Variants in EIF4G3 observed in about 807,000 individuals in gnomAD.
EIF4G3 encodes eukaryotic translation initiation factor 4 gamma 3, also known as eIF-4-gamma 3.
Under a neutral mutation model 186.4 loss-of-function variants are expected in EIF4G3, and 34 were observed. The ratio of observed to expected loss-of-function variants is 0.18; its 90% CI spans 0.14 to 0.24. The LOEUF (loss-of-function observed/expected upper bound fraction) is 0.24. Among genes scored for constraint, EIF4G3 ranks in the 10% least tolerant of loss-of-function variants. The probability of loss-of-function intolerance (pLI) is 1.00; values close to 1 mark genes in which losing one functional copy is unlikely to be tolerated. For synonymous variants in EIF4G3, 673 were observed against 679.5 expected, an observed-to-expected ratio of 0.99 and a Z score of 0.15; for missense variants, 1,536 against 1,948.5, an observed-to-expected ratio of 0.79 and a Z score of 3.99.
chr1:20,813,945 CTG>C (rs1491157587), intron 34 of EIF4G3, among the ~76,000 whole-genome samples: 3 of 114,476 alleles, frequency 2.6e-5, no homozygotes, highest in Admixed American at 1.2e-4. Context: ...AGATGAGTCA[CTG>C]TTTTTTTTTT....
intron 20 of EIF4G3, 88 bp downstream of exon 20, chr1:20,879,235 C>T: frequency 1.0e-6 from 1 of 989,638 alleles, no homozygotes; most frequent in Non-Finnish European, 1.4e-6. Flanking sequence ...CTTTATGTTG[C>T]CCCAATAACA....
In EIF4G3 at chr1:21,155,623, G is replaced by A. The variant is rs185952653; in HGVS notation, c.-272+20552C>T. On this transcript the variant is annotated intron_variant, in intron 2 of 36. Coordinates refer to ENST00000602326, the MANE Select transcript of EIF4G3 (RefSeq NM_001391906.1). ...ATGCGGGAGAATTGCTTGAGCCCAG[G>A]AGTTGGGAGTTTGCAGTGAGCTATG... Among the ~76,000 whole-genome samples the A allele has an allele frequency of 8.4e-3, 1,284 of 152,168 alleles. 10 individuals carry two copies. Among genetic ancestry groups the A allele is most frequent in the Non-Finnish European group, 0.011 (772 of 67,998 alleles).
At position 20,850,080 on chromosome 1, in the gene EIF4G3, G is replaced by C. The variant is rs572966976; in HGVS notation, c.3773-550C>G. 2.0e-5 allele frequency among the ~76,000 whole-genome samples: 3 copies of C among 152,260 alleles called. No individual in the cohort carries two copies. The South Asian group carries it at 6.2e-4, about 32-fold the overall frequency. On this transcript the variant is annotated intron_variant, in intron 28 of 36. Transcript: ENST00000602326. ...CTACATAGCTCCTTGGTACCAGATAGTTCTAAGTATTCTCTTAGAACTAAA... is the reference window on the plus strand; with the variant it reads ...CTACATAGCTCCTTGGTACCAGATACTTCTAAGTATTCTCTTAGAACTAAA...
intron 2 of EIF4G3, among the ~76,000 whole-genome samples, chr1:21,096,928 T>C (rs182362179): frequency 4.1e-4 from 62 of 152,310 alleles, no homozygotes; most frequent in Middle Eastern, 6.8e-3. Context: ...TGATGGAACT[T>C]AGGTTAAAAA....
At chr1:20,896,403 T>C (rs2088059399) in intron 16 of EIF4G3, among the ~76,000 whole-genome samples, 1 of 141,740 alleles carries the variant, frequency 7.1e-6, no homozygotes, top group South Asian at 2.2e-4. Context: ...ACCACTGCAC[T>C]CTAGCCTGGG....
intron 34 of EIF4G3, among the ~76,000 whole-genome samples, 159 bp from the exon 35 acceptor site, chr1:20,813,398 TAAAAA>T (rs11303095): frequency 3.7e-5 from 3 of 81,820 alleles, no homozygotes; most frequent in African/African-American, 1.4e-4. Flanking sequence ...CCCTATCTCT[TAAAAA>T]AAAAAAAAAA....
intron 4 of EIF4G3, among the ~76,000 whole-genome samples, chr1:21,017,619 C>A (rs971622025): frequency 8.2e-5 from 9 of 109,840 alleles, no homozygotes; most frequent in African/African-American, 2.5e-4. Flanking sequence ...CAGAGCAAGA[C>A]TCCGTCTCAA....
Position 21,167,695 on chromosome 1 carries a change from T to C in EIF4G3, c.-272+8480A>G, listed in dbSNP as rs191179726. 2.2e-3 allele frequency among the ~76,000 whole-genome samples: 331 copies of C among 151,738 alleles called. 1 individual carries two copies. Among genetic ancestry groups the C allele is most frequent in the Non-Finnish European group, 3.8e-3 (261 of 67,922 alleles). On this transcript the variant is annotated intron_variant, in intron 2 of 36. Transcript: ENST00000602326. ...ACCGCTTGAACCCGGGAGGTGGAGG[T>C]TGCAATGAGCCAAGATCACAACACT...
chr1:21,066,702 A>G lies in EIF4G3; in HGVS notation c.-195-15708T>C, dbSNP rs371396680. ...CTATCAAAGTTTACAGTAAAAACTG[A>G]TCGTTCTATTCATGACAACAACTTC... is the stretch of plus-strand genomic sequence containing the variant. On this transcript the variant is annotated intron_variant, in intron 3 of 36. Transcript: ENST00000602326. Among the ~76,000 whole-genome samples, 45 of 152,336 alleles carry G rather than the reference A, an allele frequency of 3.0e-4. 1 individual carries two copies. Among genetic ancestry groups the G allele is most frequent in the African/African-American group, 9.9e-4 (41 of 41,590 alleles).
In EIF4G3 at chr1:21,043,868, C is replaced by CAAAAAAAAAAAAAAAAAAAAAAAA. The variant is rs1557676796; in HGVS notation, c.-67+6997_-67+6998insTTTTTTTTTTTTTTTTTTTTTTTT. 9.9e-5 allele frequency among the ~76,000 whole-genome samples: 2 copies of CAAAAAAAAAAAAAAAAAAAAAAAA among 20,300 alleles called. 1 individual carries two copies. Among genetic ancestry groups the CAAAAAAAAAAAAAAAAAAAAAAAA allele is most frequent in the Non-Finnish European group, 2.5e-4 (2 of 8,002 alleles). 13.3% of individuals were successfully genotyped at this position (20,300 alleles called of 152,430 possible). Reference sequence around the variant, plus strand: ...TTTGGGTGACAGAGTGAAACCTTGGCGCAAAAAAAAAAAAAGGAAGGATGG... The same window carrying CAAAAAAAAAAAAAAAAAAAAAAAA: ...TTTGGGTGACAGAGTGAAACCTTGGCAAAAAAAAAAAAAAAAAAAAAAAAGCAAAAAAAAAAAAAGGAAGGATGG... On this transcript the variant is annotated intron_variant, in intron 4 of 36. Coordinates refer to ENST00000602326, the MANE Select transcript of EIF4G3 (RefSeq NM_001391906.1).
chr1:20,876,061 A>G (rs1323332596), intron 20 of EIF4G3, among the ~76,000 whole-genome samples: 1 of 151,798 alleles, frequency 6.6e-6, no homozygotes, highest in Non-Finnish European at 1.5e-5. Context: ...AAAACCCTAC[A>G]TGTACAAAAA....
At chr1:20,926,648 CAG>C (rs1314527602) in intron 14 of EIF4G3, among the ~76,000 whole-genome samples, 2 of 138,544 alleles carry the variant, frequency 1.4e-5, no homozygotes, top group African/African-American at 5.4e-5. Context: ...GTCTGGGTGA[CAG>C]AGCAAGACCC....
intron 2 of EIF4G3, among the ~76,000 whole-genome samples, chr1:21,125,875 G>C (rs2097030565): frequency 6.7e-6 from 1 of 150,344 alleles, no homozygotes; most frequent in Non-Finnish European, 1.5e-5. Flanking sequence ...AACTTAGGAG[G>C]AATGTTCTAT....
At chr1:20,961,886 T>C (rs1489492958) in intron 12 of EIF4G3, among the ~76,000 whole-genome samples, 1 of 152,222 alleles carries the variant, frequency 6.6e-6, no homozygotes. Flanking sequence ...CCACTATTTT[T>C]ATCGTAGTCA....
At chr1:21,122,254 A>G (rs1276147215) in intron 2 of EIF4G3, among the ~76,000 whole-genome samples, 2 of 152,362 alleles carry the variant, frequency 1.3e-5, no homozygotes, top group East Asian at 3.8e-4. Flanking sequence ...CATTACATTC[A>G]TACCATGCTT....
intron 18 of EIF4G3, among the ~76,000 whole-genome samples, chr1:20,891,248 G>A (rs1467694377): frequency 6.6e-6 from 1 of 152,176 alleles, no homozygotes; most frequent in Non-Finnish European, 1.5e-5. Flanking sequence ...TGACTAGCAA[G>A]CTGTTAGTGA....
chr1:20,860,494 T>G lies in EIF4G3; in HGVS notation c.3135A>C (p.Ala1045=). ...LRLCNWVSRR[A]DQGPKTIEQI... Reference sequence around the variant, plus strand: ...GTTCGATAGTTTTAGGCCCTTGATCTGCTCTTCGAGATACCCAATTGCACT... The same window carrying G: ...GTTCGATAGTTTTAGGCCCTTGATCGGCTCTTCGAGATACCCAATTGCACT... Residue 1045 remains alanine, a synonymous_variant, in exon 24 of 37, where the codon GCA becomes GCC. Transcript: ENST00000602326. 6.2e-7 allele frequency: 1 copy of G among 1,614,052 alleles called. No homozygotes were observed. The highest frequency in any genetic ancestry group is 8.5e-7 in the Non-Finnish European group (1 of 1,179,970).
intron 2 of EIF4G3, among the ~76,000 whole-genome samples, chr1:21,121,191 A>G (rs1482009208): frequency 1.3e-5 from 2 of 152,172 alleles, no homozygotes; most frequent in Admixed American, 1.3e-4. Context: ...CACCACACCC[A>G]GTCTAAAATG....
At chr1:21,173,661 C>G (rs547248526) in intron 2 of EIF4G3, among the ~76,000 whole-genome samples, 5 of 152,228 alleles carry the variant, frequency 3.3e-5, no homozygotes, top group African/African-American at 1.2e-4. Flanking sequence ...GCACTCCAGC[C>G]TGGGCGACAA....
Sources: gnomAD v4.1 joint callset for allele counts (sites outside exome capture counted in the v4.1 genomes callset) on GRCh38, gnomAD v4.1.1 for gene constraint, MANE v1.5 for transcripts, NCBI Gene and HGNC (gene_info 2026-07-23, HGNC 2026-07-21) for gene names.